Variants in UBA52 observed in about 807,000 individuals in gnomAD.
UBA52 encodes the protein ubiquitin A-52 residue ribosomal protein fusion product 1.
In UBA52, 1 loss-of-function variant was observed where a neutral mutation model predicts 15.3. The observed-to-expected ratio is 0.07, with a 90% CI of 0.02 to 0.31. UBA52 has a LOEUF of 0.31. Among genes scored for constraint, UBA52 ranks in the 10% least tolerant of loss-of-function variants. The pLI is 1.00. For missense variants in UBA52, 87 were observed against 168.0 expected, an observed-to-expected ratio of 0.52 and a Z score of 2.66; for synonymous variants, 50 against 58.3, an observed-to-expected ratio of 0.86 and a Z score of 0.65.
At position 18,576,415 on chromosome 19, in the gene UBA52, A is replaced by T. The variant is rs12610537; in HGVS notation, c.*1265A>T. The T allele has an allele frequency of 0.13, 19,336 of 152,048 alleles. 1,670 individuals carry two copies. The highest frequency in any genetic ancestry group is 0.37 in the East Asian group (1,877 of 5,140). The allele number at this position is 152,048 out of a possible 1,614,324, so 9.4% of individuals were successfully genotyped here. On this transcript the variant is annotated 3_prime_UTR_variant, in exon 5 of 5. Transcript: ENST00000442744. ...GTGAGCACAGACCAATTCCTGTTTT[A>T]TTTACTGATTTAAAATTTTGAGACA...
chr19:18,572,170 TGA>T (rs1975523169), intron 1 of UBA52: 1 of 152,214 alleles, frequency 6.6e-6, no homozygotes, highest in African/African-American at 2.4e-5. Flanking sequence ...TCCGAGTTAA[TGA>T]GAGAGGGGTA....
intron 3 of UBA52, among the ~76,000 whole-genome samples, chr19:18,574,086 T>A (rs1354004994): frequency 6.6e-6 from 1 of 151,674 alleles, no homozygotes; most frequent in Non-Finnish European, 1.5e-5. Context: ...GAGATTGAGA[T>A]CATCATGACC....
chr19:18,573,068 G>T, intron 1 of UBA52: 1 of 1,308,840 alleles, frequency 7.6e-7, no homozygotes. Context: ...GGAGGGTGGA[G>T]GACATGTGGT....
chr19:18,565,467 C>G, the UBA52 span, among the ~76,000 whole-genome samples: 1 of 152,082 alleles, frequency 6.6e-6, no homozygotes, highest in African/African-American at 2.4e-5. Flanking sequence ...CTCCTGACCT[C>G]GTGATCCAGC....
chr19:18,569,056 C>T (rs1859948), upstream of UBA52: 21,399 of 192,810 alleles, frequency 0.11, 3,188 homozygotes, highest in African/African-American at 0.38. Flanking sequence ...AGCCCACCCC[C>T]GCACCCACTA....
upstream of UBA52, chr19:18,568,742 A>C: frequency 3.9e-6 from 3 of 776,070 alleles, no homozygotes; most frequent in South Asian, 1.7e-5. Context: ...CCGTTCTGTC[A>C]CCCAGGGCTC....
upstream of UBA52, chr19:18,567,114 G>T (rs756443667): frequency 1.2e-6 from 2 of 1,613,716 alleles, no homozygotes; most frequent in Admixed American, 3.3e-5. Flanking sequence ...AGCCCTGTGT[G>T]CCTTCTCTCC....
At chr19:18,564,797 C>T in the UBA52 span, 1 of 1,553,696 alleles carries the variant, frequency 6.4e-7, no homozygotes, top group South Asian at 1.1e-5. Flanking sequence ...TTGGCATGAA[C>T]AGTCTTCTGG....
At chr19:18,566,455 CAA>C in the UBA52 span, among the ~76,000 whole-genome samples, 10 of 116,618 alleles carry the variant, frequency 8.6e-5, no homozygotes, top group Admixed American at 1.8e-4. Context: ...GACTCCGTCT[CAA>C]AAAAAAAAAA....
chr19:18,564,940 A>G, the UBA52 span: 5 of 1,613,542 alleles, frequency 3.1e-6, no homozygotes, highest in Non-Finnish European at 4.2e-6. Flanking sequence ...CGCCTGCAGC[A>G]GATGAGCGAA....
intron 1 of UBA52, chr19:18,572,800 G>C (rs914988094): frequency 9.9e-7 from 1 of 1,008,292 alleles, no homozygotes; most frequent in Non-Finnish European, 1.2e-6. Flanking sequence ...CTTGGAGTTA[G>C]AGAGGAGAGA....
At position 18,573,529 on chromosome 19, in the gene UBA52, C is replaced by G; in HGVS notation, c.103+126C>G. ...TTTTGCCCTTGCTTCTCCATGTGAT[C>G]TGAAGAACGTTTGTTATCTTCTACC... is the stretch of plus-strand genomic sequence containing the variant. On this transcript the variant is annotated intron_variant, in intron 2 of 4. Transcript: ENST00000442744. The G allele has an allele frequency of 3.1e-6, 4 of 1,295,056 alleles. No individual in the cohort carries two copies. The South Asian group carries it at 5.0e-5, about 16-fold the overall frequency. The allele number at this position is 1,295,056 out of a possible 1,614,324, so 80.2% of individuals were successfully genotyped here.
At chr19:18,566,734 A>G (rs1358727473), upstream of UBA52, among the ~76,000 whole-genome samples, 1 of 151,492 alleles carries the variant, frequency 6.6e-6, no homozygotes, top group African/African-American at 2.4e-5. Flanking sequence ...TGGAGGTTGC[A>G]GTGAGCCAGG....
chr19:18,566,435 G>A, the UBA52 span, among the ~76,000 whole-genome samples: 8 of 137,814 alleles, frequency 5.8e-5, no homozygotes, highest in South Asian at 2.4e-4. Context: ...AAGCCTGGGC[G>A]ACAGAGCGAG....
chr19:18,570,781 GGGTTCAAGC>G (rs1345481226), upstream of UBA52, among the ~76,000 whole-genome samples: 1 of 151,528 alleles, frequency 6.6e-6, no homozygotes, highest in Non-Finnish European at 1.5e-5. Context: ...TCTGCCTCCC[GGGTTCAAGC>G]GATTCTCCTG....
At chr19:18,565,147 C>T in the UBA52 span, 2 of 1,484,634 alleles carry the variant, frequency 1.3e-6, no homozygotes, top group South Asian at 1.3e-5. Context: ...TCACTGCGCA[C>T]TTAAGTGTCT....
upstream of UBA52, among the ~76,000 whole-genome samples, chr19:18,570,687 AT>A (rs930596715): frequency 9.1e-5 from 11 of 121,458 alleles, no homozygotes; most frequent in African/African-American, 1.6e-4. Context: ...AATTTTTGTA[AT>A]TTTTTTTTTC....
At chr19:18,566,355 C>T in the UBA52 span, among the ~76,000 whole-genome samples, 22 of 151,792 alleles carry the variant, frequency 1.4e-4, 1 homozygote, top group South Asian at 4.6e-3. Context: ...GTATTGCCAG[C>T]TACTCGGGAG....
At chr19:18,573,064 T>A (rs896970022) in intron 1 of UBA52, 1 of 1,313,518 alleles carries the variant, frequency 7.6e-7, no homozygotes, top group Non-Finnish European at 1.0e-6. Flanking sequence ...GTCAGGAGGG[T>A]GGAGGACATG....
Sources: gnomAD v4.1 joint callset for allele counts (sites outside exome capture counted in the v4.1 genomes callset) on GRCh38, gnomAD v4.1.1 for gene constraint, MANE v1.5 for transcripts, NCBI Gene and HGNC (gene_info 2026-07-23, HGNC 2026-07-21) for gene names.